The following E2F3 variants were observed in gnomAD, a reference collection of about 807,000 sequenced individuals.
E2F3 encodes transcription factor E2F3.
A neutral mutation model predicts 44.4 loss-of-function variants in E2F3; 11 were observed. That is an observed-to-expected ratio of 0.25 (90% CI 0.16 to 0.41). The LOEUF (loss-of-function observed/expected upper bound fraction) is 0.41. Ranked by LOEUF, E2F3 falls within the 10% of genes least tolerant of loss-of-function variation. The pLI is 1.00. For missense variants in E2F3, 487 were observed against 583.6 expected, an observed-to-expected ratio of 0.83 and a Z score of 1.70; for synonymous variants, 249 against 253.0, an observed-to-expected ratio of 0.98 and a Z score of 0.15.
At chr6:20,466,441 A>G (rs1345095220) in intron 1 of E2F3, among the ~76,000 whole-genome samples, 1 of 152,112 alleles carries the variant, frequency 6.6e-6, no homozygotes, top group Non-Finnish European at 1.5e-5. Flanking sequence ...GATTATGGCC[A>G]TTCTTGCAGA....
In E2F3 at chr6:20,401,992, C is replaced by G. The variant is rs1171804754; in HGVS notation, c.-241C>G. On this transcript the variant is annotated 5_prime_UTR_variant, in exon 1 of 7. Coordinates refer to ENST00000346618, the MANE Select transcript of E2F3 (RefSeq NM_001949.5). ...ATCGGCCGCCCCCGACGCCTCCATC[C>G]CCGCTTGGGGCCCGATATCCGTGCG... 2 of 575,980 alleles carry G rather than the reference C, an allele frequency of 3.5e-6. No individual in the cohort carries two copies. The highest frequency in any genetic ancestry group is 4.4e-5 in the Admixed American group (1 of 22,608). 35.7% of individuals were successfully genotyped at this position (575,980 alleles called of 1,614,324 possible). A position where few individuals can be genotyped will look rare whatever the true frequency, so the allele number is the denominator to read the frequency against.
chr6:20,460,110 C>A (rs1001662098), intron 1 of E2F3, among the ~76,000 whole-genome samples: 1 of 152,164 alleles, frequency 6.6e-6, no homozygotes, highest in African/African-American at 2.4e-5. Flanking sequence ...AGAGGCTTCC[C>A]ACGACTTGTC....
chr6:20,415,495 T>C (rs1034244736), intron 1 of E2F3, among the ~76,000 whole-genome samples: 1 of 152,182 alleles, frequency 6.6e-6, no homozygotes, highest in African/African-American at 2.4e-5. Context: ...TTAGATGCCA[T>C]TAGCACCACT....
intron 1 of E2F3, among the ~76,000 whole-genome samples, chr6:20,422,144 C>A (rs1001600680): frequency 6.6e-6 from 1 of 152,190 alleles, no homozygotes; most frequent in Non-Finnish European, 1.5e-5. Flanking sequence ...TTAGCTAGAT[C>A]TTCTGAATAA....
At chr6:20,403,777 G>A (rs1039780833) in intron 1 of E2F3, 20 of 1,498,288 alleles carry the variant, frequency 1.3e-5, no homozygotes, top group Non-Finnish European at 1.8e-5. Flanking sequence ...TCTCCAGCCG[G>A]CCCCCCACCT....
chr6:20,453,207 A>G (rs1226302603), intron 1 of E2F3, among the ~76,000 whole-genome samples: 1 of 152,086 alleles, frequency 6.6e-6, no homozygotes, highest in African/African-American at 2.4e-5. Flanking sequence ...GGTCTTATAC[A>G]GAATTTTCCA....
chr6:20,421,965 T>C (rs1249484215), intron 1 of E2F3: 1 of 152,268 alleles, frequency 6.6e-6, no homozygotes, highest in Non-Finnish European at 1.5e-5. Flanking sequence ...TGTCACCAAT[T>C]GCATTAGCCC....
intron 1 of E2F3, among the ~76,000 whole-genome samples, chr6:20,425,339 G>C (rs1350785304): frequency 6.6e-6 from 1 of 151,986 alleles, no homozygotes; most frequent in African/African-American, 2.4e-5. Context: ...ATTCAGAATG[G>C]GGCAGTAGGC....
In E2F3 at chr6:20,461,103, C is replaced by CTT. The variant is rs1454979423; in HGVS notation, c.394-18743_394-18742insTT. Among the ~76,000 whole-genome samples the CTT allele has an allele frequency of 2.6e-5, 4 of 151,412 alleles. No individual in the cohort carries two copies. In the East Asian group the frequency reaches 7.7e-4, roughly 29 times the overall value. ...ACTAAGTCTCATGCCCATTCTTCTG[C>CTT]CTCACTAATTGACACTTGTTTTTAA... On this transcript the variant is annotated intron_variant, in intron 1 of 6. Coordinates refer to ENST00000346618, the MANE Select transcript of E2F3 (RefSeq NM_001949.5).
intron 1 of E2F3, among the ~76,000 whole-genome samples, chr6:20,460,854 G>A (rs1159801471): frequency 6.6e-6 from 1 of 151,574 alleles, no homozygotes; most frequent in East Asian, 1.9e-4. Context: ...AAATTAGCTG[G>A]GTGTGGTGGT....
intron 1 of E2F3, 86 bp from the exon 2 acceptor site, chr6:20,479,760 C>T: frequency 9.0e-7 from 1 of 1,113,300 alleles, no homozygotes; most frequent in Non-Finnish European, 1.3e-6. Flanking sequence ...GAGCCTGCAG[C>T]ATTTGGCAGG....
intron 4 of E2F3, among the ~76,000 whole-genome samples, chr6:20,483,267 T>C (rs1762290580): frequency 6.6e-6 from 1 of 152,196 alleles, no homozygotes; most frequent in East Asian, 1.9e-4. Flanking sequence ...AAGGTGTCGG[T>C]ATTAATATTA....
chr6:20,455,494 CT>C (rs896851127), intron 1 of E2F3, among the ~76,000 whole-genome samples: 1 of 152,200 alleles, frequency 6.6e-6, no homozygotes, highest in African/African-American at 2.4e-5. Flanking sequence ...CTTTTCCCAC[CT>C]TTTGGCCCAT....
At chr6:20,475,871 G>A (rs1287236338) in intron 1 of E2F3, among the ~76,000 whole-genome samples, 1 of 152,170 alleles carries the variant, frequency 6.6e-6, no homozygotes, top group Non-Finnish European at 1.5e-5. Flanking sequence ...GGCCTCCATA[G>A]CAAAGCTGTT....
chr6:20,409,925 G>T (rs1759616188), intron 1 of E2F3, among the ~76,000 whole-genome samples: 1 of 152,178 alleles, frequency 6.6e-6, no homozygotes, highest in South Asian at 2.1e-4. Context: ...AGTACCAACT[G>T]ATGAGAGTAG....
intron 1 of E2F3, among the ~76,000 whole-genome samples, chr6:20,461,524 GT>G (rs1761509129): frequency 6.6e-6 from 1 of 152,102 alleles, no homozygotes; most frequent in South Asian, 2.1e-4. Context: ...CAAATGCATT[GT>G]TTTTTCCACT....
At chr6:20,414,917 G>A (rs1002465481) in intron 1 of E2F3, among the ~76,000 whole-genome samples, 2 of 152,200 alleles carry the variant, frequency 1.3e-5, no homozygotes, top group Non-Finnish European at 2.9e-5. Context: ...ACATCCATGA[G>A]CTGTAGTTAC....
At chr6:20,450,716 A>G (rs1761101722) in intron 1 of E2F3, among the ~76,000 whole-genome samples, 1 of 152,076 alleles carries the variant, frequency 6.6e-6, no homozygotes, top group Admixed American at 6.5e-5. Context: ...TGTTTTCAGA[A>G]TGGTATTGCC....
rs781050839 is a variant in E2F3 at position 20,482,828 on chromosome 6, C to T, written c.792C>T (p.Thr264=). Residue 264 remains threonine, a synonymous_variant, in exon 4 of 7, where the codon ACC becomes ACT. Coordinates refer to ENST00000346618, the MANE Select transcript of E2F3 (RefSeq NM_001949.5). ...AQCQGLSKEV[T]ELSQEEKKLD... is the part of the protein sequence containing the mutation. ...GTCAAGGCCTGTCAAAAGAAGTGAC[C>T]GAGCTCAGTCAGGAAGAGAAGAAAT... The T allele has an allele frequency of 1.9e-5, 30 of 1,613,404 alleles. No homozygotes were observed. In the South Asian group the frequency reaches 2.1e-4, roughly 11 times the overall value.
Sources: gnomAD v4.1 joint callset for allele counts (sites outside exome capture counted in the v4.1 genomes callset) on GRCh38, gnomAD v4.1.1 for gene constraint, MANE v1.5 for transcripts, NCBI Gene and HGNC (gene_info 2026-07-23, HGNC 2026-07-21) for gene names.